Variants in PAMR1 observed in about 807,000 individuals in gnomAD.
PAMR1 encodes inactive serine protease PAMR1.
A neutral mutation model predicts 81.8 loss-of-function variants in PAMR1; 88 were observed. The observed-to-expected ratio is 1.08, with a 90% confidence interval of 0.91 to 1.28. PAMR1 has a LOEUF of 1.28. PAMR1 is among the 50% of genes most tolerant of loss of function. PAMR1 has a pLI of 0.00. For synonymous variants in PAMR1, 336 were observed against 345.3 expected, an observed-to-expected ratio of 0.97 and a Z score of 0.30; for missense variants, 935 against 919.7, an observed-to-expected ratio of 1.02 and a Z score of -0.21.
chr11:35,473,584 C>T (rs1458180794), intron 4 of PAMR1, among the ~76,000 whole-genome samples: 2 of 152,180 alleles, frequency 1.3e-5, no homozygotes, highest in Non-Finnish European at 2.9e-5. Flanking sequence ...AACCCCACGT[C>T]CTCAGGGAGT....
chr11:35,518,952 C>T (rs1183241117), intron 1 of PAMR1, among the ~76,000 whole-genome samples: 1 of 152,146 alleles, frequency 6.6e-6, no homozygotes, highest in Non-Finnish European at 1.5e-5. Flanking sequence ...GTTTTCCAAA[C>T]ATCAAGTCAA....
chr11:35,466,726 CAAAAAAAA>C (rs71044519), intron 6 of PAMR1, among the ~76,000 whole-genome samples: 5 of 63,948 alleles, frequency 7.8e-5, no homozygotes, highest in Non-Finnish European at 8.6e-5. Context: ...GGCTCTATCT[CAAAAAAAA>C]AAAAAAAAAA....
intron 1 of PAMR1, among the ~76,000 whole-genome samples, chr11:35,513,957 TA>T (rs916380616): frequency 3.3e-5 from 5 of 152,214 alleles, no homozygotes; most frequent in African/African-American, 1.2e-4. Context: ...TGTAAAGCTG[TA>T]CTTTGCACTG....
At chr11:35,515,413 C>T (rs1219181063) in intron 1 of PAMR1, among the ~76,000 whole-genome samples, 2 of 152,192 alleles carry the variant, frequency 1.3e-5, no homozygotes, top group African/African-American at 4.8e-5. Flanking sequence ...ATGGTATGTC[C>T]AATGGGTCCC....
chr11:35,443,696 A>G (rs1856230535), intron 6 of PAMR1, among the ~76,000 whole-genome samples: 1 of 152,172 alleles, frequency 6.6e-6, no homozygotes, highest in Non-Finnish European at 1.5e-5. Flanking sequence ...TTTATAATAG[A>G]TTTATATTCC....
At chr11:35,447,501 C>A (rs1008020114) in intron 6 of PAMR1, among the ~76,000 whole-genome samples, 3 of 152,070 alleles carry the variant, frequency 2.0e-5, no homozygotes, top group African/African-American at 7.2e-5. Context: ...TTGCGCCTGG[C>A]CTTCCTCCAT....
At chr11:35,501,689 A>C (rs1480932046) in intron 1 of PAMR1, among the ~76,000 whole-genome samples, 1 of 152,132 alleles carries the variant, frequency 6.6e-6, no homozygotes, top group Non-Finnish European at 1.5e-5. Context: ...CGCAATATTT[A>C]TGGTTCTGTG....
At chr11:35,464,718 C>A (rs183366041) in intron 6 of PAMR1, among the ~76,000 whole-genome samples, 4 of 152,292 alleles carry the variant, frequency 2.6e-5, no homozygotes, top group African/African-American at 9.6e-5. Flanking sequence ...CAAGTTCTTA[C>A]AATGCTTCCA....
intron 1 of PAMR1, among the ~76,000 whole-genome samples, chr11:35,510,194 C>G (rs969323344): frequency 2.0e-5 from 3 of 152,050 alleles, no homozygotes; most frequent in Admixed American, 2.0e-4. Context: ...AGAAATTCCC[C>G]ACATACCCTC....
At chr11:35,493,155 T>C (rs972730891) in intron 2 of PAMR1, among the ~76,000 whole-genome samples, 1 of 152,166 alleles carries the variant, frequency 6.6e-6, no homozygotes, top group Non-Finnish European at 1.5e-5. Context: ...CCTCTCACCA[T>C]CCATAGAGCT....
At chr11:35,514,412 A>G (rs1258162372) in intron 1 of PAMR1, among the ~76,000 whole-genome samples, 2 of 152,190 alleles carry the variant, frequency 1.3e-5, no homozygotes, top group African/African-American at 4.8e-5. Context: ...ACTTGCTTTT[A>G]CATTTCCTAG....
chr11:35,454,137 T>C (rs988727854), intron 6 of PAMR1, among the ~76,000 whole-genome samples: 5 of 152,218 alleles, frequency 3.3e-5, no homozygotes, highest in Admixed American at 3.3e-4. Flanking sequence ...GGCTCTACAA[T>C]GAACACTTAA....
At chr11:35,512,512 G>A (rs1400093967) in intron 1 of PAMR1, among the ~76,000 whole-genome samples, 1 of 152,158 alleles carries the variant, frequency 6.6e-6, no homozygotes, top group South Asian at 2.1e-4. Flanking sequence ...CTTTACAGTT[G>A]AAGAAGAAAG....
intron 3 of PAMR1, among the ~76,000 whole-genome samples, chr11:35,482,354 G>C (rs1321688281): frequency 6.6e-6 from 1 of 152,040 alleles, no homozygotes; most frequent in Non-Finnish European, 1.5e-5. Flanking sequence ...GTAGATGTGT[G>C]GTGTTTTTTC....
chr11:35,457,759 G>T (rs557661623), intron 6 of PAMR1, among the ~76,000 whole-genome samples: 43 of 152,260 alleles, frequency 2.8e-4, no homozygotes, highest in African/African-American at 1.0e-3. Context: ...AAGGAGATAA[G>T]ACTGCATTAT....
In PAMR1 at chr11:35,456,747, C is replaced by T. The variant is rs188115602; in HGVS notation, c.820+11254G>A. ...TTCAAACCCTTCAGTTTGAACAAACCCTTCAGAAGATACCAAATCCTCTGG... is the reference window on the plus strand; with the variant it reads ...TTCAAACCCTTCAGTTTGAACAAACTCTTCAGAAGATACCAAATCCTCTGG... On this transcript the variant is annotated intron_variant, in intron 6 of 10. Coordinates refer to ENST00000619888, the MANE Select transcript of PAMR1 (RefSeq NM_001001991.3). Among the ~76,000 whole-genome samples the T allele has an allele frequency of 1.4e-3, 215 of 152,178 alleles. 2 individuals are homozygous for T. Among genetic ancestry groups the T allele is most frequent in the Non-Finnish European group, 4.7e-4 (32 of 67,992 alleles).
intron 3 of PAMR1, among the ~76,000 whole-genome samples, chr11:35,485,003 C>T (rs922589415): frequency 2.0e-5 from 3 of 152,170 alleles, no homozygotes; most frequent in African/African-American, 7.2e-5. Flanking sequence ...ATATCAGCAC[C>T]TCTAATAGCC....
rs368261001 is a variant in PAMR1, at chr11:35,441,453, G to A, written c.1033+28C>T. 83 of 1,539,136 alleles carry A rather than the reference G, an allele frequency of 5.4e-5. No individual in the cohort carries two copies. The South Asian group carries it at 7.0e-4, about 13-fold the overall frequency. On this transcript the variant is annotated intron_variant, in intron 7 of 10. Coordinates refer to ENST00000619888, the MANE Select transcript of PAMR1 (RefSeq NM_001001991.3). The stretch of plus-strand genomic sequence containing the variant: ...AAGTCTAGCAACTTCATCAATGTCC[G>A]TAGACTTCAGAAACAATTGTAAGTT...
At chr11:35,498,083 G>A (rs1270927649) in intron 1 of PAMR1, among the ~76,000 whole-genome samples, 1 of 152,142 alleles carries the variant, frequency 6.6e-6, no homozygotes, top group Non-Finnish European at 1.5e-5. Context: ...TCCTACCTGT[G>A]CCAAGTTTTC....
Sources: gnomAD v4.1 joint callset for allele counts (sites outside exome capture counted in the v4.1 genomes callset) on GRCh38, gnomAD v4.1.1 for gene constraint, MANE v1.5 for transcripts, NCBI Gene and HGNC (gene_info 2026-07-23, HGNC 2026-07-21) for gene names.